Variants in SRD5A2 observed in about 807,000 individuals in gnomAD.
SRD5A2 encodes 3-oxo-5-alpha-steroid 4-dehydrogenase 2.
In SRD5A2, 30 loss-of-function variants were observed where a neutral mutation model predicts 27.4. The ratio of observed to expected loss-of-function variants is 1.10; its 90% CI spans 0.82 to 1.49. SRD5A2 has a LOEUF of 1.49. Among genes scored for constraint, SRD5A2 ranks in the 40% most tolerant of loss-of-function variants. The pLI is 0.00. For synonymous variants in SRD5A2, 141 were observed against 133.6 expected, an observed-to-expected ratio of 1.06 and a Z score of -0.38; for missense variants, 348 against 323.4, an observed-to-expected ratio of 1.08 and a Z score of -0.58.
chr2:31,540,971 C>T (rs964126042), intron 1 of SRD5A2, among the ~76,000 whole-genome samples: 2 of 152,184 alleles, frequency 1.3e-5, no homozygotes, highest in East Asian at 1.9e-4. Flanking sequence ...TCCATTGTTG[C>T]AAACCCCTCC....
intron 1 of SRD5A2, among the ~76,000 whole-genome samples, chr2:31,542,532 T>C: frequency 6.6e-6 from 1 of 151,896 alleles, no homozygotes; most frequent in Non-Finnish European, 1.5e-5. Flanking sequence ...ATAAATAAAC[T>C]AAAAGTACAT....
Position 31,569,442 on chromosome 2 carries a change from A to G in SRD5A2, c.281+11178T>C, listed in dbSNP as rs527267052. 1.7e-4 allele frequency among the ~76,000 whole-genome samples: 26 copies of G among 152,272 alleles called. No homozygotes were observed. In the East Asian group the frequency reaches 2.5e-3, roughly 15 times the overall value. On this transcript the variant is annotated intron_variant, in intron 1 of 4. Transcript: ENST00000622030. ...CAGTATTTTTTATTTGAGCCATTCT[A>G]TCAGACACATAGTGATACCCCATTG... is the stretch of plus-strand genomic sequence containing the variant.
At chr2:31,539,363 C>T (rs1267433561) in intron 1 of SRD5A2, among the ~76,000 whole-genome samples, 1 of 152,076 alleles carries the variant, frequency 6.6e-6, no homozygotes, top group Non-Finnish European at 1.5e-5. Context: ...AAGGGAAAAA[C>T]CAGAAAGACA....
chr2:31,581,124 C>T, upstream of SRD5A2: 4 of 561,702 alleles, frequency 7.1e-6, no homozygotes. Flanking sequence ...CGAAGGCCTT[C>T]TTAGTTCGCC....
At chr2:31,610,871 G>T in the SRD5A2 span, among the ~76,000 whole-genome samples, 2 of 152,126 alleles carry the variant, frequency 1.3e-5, no homozygotes, top group African/African-American at 4.8e-5. Flanking sequence ...ACTTTGGGAG[G>T]CCAAGGAGGG....
the SRD5A2 span, among the ~76,000 whole-genome samples, chr2:31,644,283 G>A: frequency 6.6e-6 from 1 of 152,150 alleles, no homozygotes; most frequent in Non-Finnish European, 1.5e-5. Context: ...GAAAGCCTGA[G>A]ATATTGTTCC....
chr2:31,662,278 T>C, the SRD5A2 span, among the ~76,000 whole-genome samples: 1 of 152,142 alleles, frequency 6.6e-6, no homozygotes, highest in African/African-American at 2.4e-5. Context: ...TTGATCACTC[T>C]GAACTTGTGA....
chr2:31,629,605 T>C, the SRD5A2 span, among the ~76,000 whole-genome samples: 3 of 152,112 alleles, frequency 2.0e-5, no homozygotes, highest in African/African-American at 7.2e-5. Context: ...TTGGTCTGCC[T>C]AGAACCAGCT....
rs1032823903 is a variant in SRD5A2 at position 31,546,879 on chromosome 2, C to A, written c.282-13113G>T. 3.7e-4 allele frequency among the ~76,000 whole-genome samples: 56 copies of A among 152,214 alleles called. 1 individual carries two copies. The highest frequency in any genetic ancestry group is 2.9e-3 in the Admixed American group (45 of 15,302). ...TGGGAGGCCAAGGAGGGCGGATCAC[C>A]TGAGGTCAGGAGTTCAAGACCAGCC... On this transcript the variant is annotated intron_variant, in intron 1 of 4. Transcript: ENST00000622030.
At chr2:31,661,865 T>C in the SRD5A2 span, among the ~76,000 whole-genome samples, 15 of 152,302 alleles carry the variant, frequency 9.8e-5, no homozygotes, top group African/African-American at 3.4e-4. Context: ...TTTTTCTCTA[T>C]GTACTTCAGT....
At chr2:31,629,665 G>T in the SRD5A2 span, among the ~76,000 whole-genome samples, 1 of 152,120 alleles carries the variant, frequency 6.6e-6, no homozygotes, top group Non-Finnish European at 1.5e-5. Context: ...GAGGCAGAAA[G>T]GTGTCATCCC....
At chr2:31,623,731 C>T in the SRD5A2 span, among the ~76,000 whole-genome samples, 2 of 152,110 alleles carry the variant, frequency 1.3e-5, no homozygotes, top group African/African-American at 4.8e-5. Context: ...ATGATGTTGG[C>T]TGTGGGTTTG....
the SRD5A2 span, among the ~76,000 whole-genome samples, chr2:31,599,395 G>A: frequency 6.6e-6 from 1 of 151,828 alleles, no homozygotes; most frequent in Non-Finnish European, 1.5e-5. Flanking sequence ...TCTCAAAATG[G>A]GCCATATGTT....
chr2:31,623,907 A>T, the SRD5A2 span, among the ~76,000 whole-genome samples: 7 of 152,084 alleles, frequency 4.6e-5, no homozygotes, highest in Admixed American at 3.9e-4. Context: ...AATAACATTG[A>T]TTAATTTGCA....
the SRD5A2 span, among the ~76,000 whole-genome samples, chr2:31,625,340 G>A: frequency 2.0e-5 from 3 of 152,220 alleles, no homozygotes; most frequent in Middle Eastern, 3.4e-3. Flanking sequence ...AGTTTCTTTT[G>A]CTGTGCAGAA....
chr2:31,604,566 TA>T, the SRD5A2 span, among the ~76,000 whole-genome samples: 1 of 151,866 alleles, frequency 6.6e-6, no homozygotes, highest in Admixed American at 6.6e-5. Flanking sequence ...CAGCCATGCA[TA>T]AAATTAAACA....
chr2:31,592,565 G>C, the SRD5A2 span, among the ~76,000 whole-genome samples: 1 of 152,180 alleles, frequency 6.6e-6, no homozygotes, highest in Non-Finnish European at 1.5e-5. Context: ...CCAGAGCCCA[G>C]TAGTCCCACT....
At chr2:31,657,525 T>C in the SRD5A2 span, among the ~76,000 whole-genome samples, 1 of 152,146 alleles carries the variant, frequency 6.6e-6, no homozygotes, top group African/African-American at 2.4e-5. Flanking sequence ...CAAAGCATTG[T>C]GAGTACAGGT....
the SRD5A2 span, among the ~76,000 whole-genome samples, chr2:31,633,050 A>C: frequency 1.3e-5 from 2 of 152,230 alleles, no homozygotes; most frequent in Admixed American, 1.3e-4. Context: ...AGGAAAGGAA[A>C]GAATAGAAGG....
Sources: gnomAD v4.1 joint callset for allele counts (sites outside exome capture counted in the v4.1 genomes callset) on GRCh38, gnomAD v4.1.1 for gene constraint, MANE v1.5 for transcripts, NCBI Gene and HGNC (gene_info 2026-07-23, HGNC 2026-07-21) for gene names.